Variants in LYN observed in about 807,000 individuals in gnomAD.
LYN encodes the protein tyrosine-protein kinase Lyn.
In LYN, 12 loss-of-function variants were observed where a neutral mutation model predicts 65.0. The ratio of observed to expected loss-of-function variants is 0.18; its 90% CI spans 0.12 to 0.30. The LOEUF (loss-of-function observed/expected upper bound fraction) is 0.30, where lower values mean the gene tolerates loss of function less well. Ranked by LOEUF, LYN falls within the 10% of genes least tolerant of loss-of-function variation. The pLI is 1.00. For missense variants in LYN, 380 were observed against 623.2 expected, an observed-to-expected ratio of 0.61 and a Z score of 4.16; for synonymous variants, 222 against 221.2, an observed-to-expected ratio of 1.00 and a Z score of -0.03.
chr8:55,937,354 T>C lies in LYN; in HGVS notation c.-5-4501T>C, dbSNP rs1806464348. ...CGCAATTACTTTTGCAACAGCCTAATTTAAATATGTATATATAATTTTTTC... is the reference window on the plus strand; with the variant it reads ...CGCAATTACTTTTGCAACAGCCTAACTTAAATATGTATATATAATTTTTTC... On this transcript the variant is annotated intron_variant, in intron 1 of 12. Coordinates refer to ENST00000519728, the MANE Select transcript of LYN (RefSeq NM_002350.4). Among the ~76,000 whole-genome samples the C allele has an allele frequency of 2.0e-5, 3 of 152,232 alleles. No homozygotes were observed. In the South Asian group the frequency reaches 6.2e-4, roughly 31 times the overall value.
At chr8:55,924,235 A>G (rs1806028772) in intron 1 of LYN, among the ~76,000 whole-genome samples, 1 of 152,084 alleles carries the variant, frequency 6.6e-6, no homozygotes, top group East Asian at 1.9e-4. Context: ...GAAATATCCC[A>G]GGGCACCTCT....
intron 9 of LYN, 43 bp from the exon 10 acceptor site, chr8:55,969,674 T>C (rs1409713117): frequency 7.0e-7 from 1 of 1,421,428 alleles, no homozygotes; most frequent in East Asian, 2.3e-5. Context: ...GATTTTTTCT[T>C]GTGTGTTTGG....
intron 7 of LYN, among the ~76,000 whole-genome samples, chr8:55,952,657 C>T (rs1402760781): frequency 6.6e-6 from 1 of 152,160 alleles, no homozygotes; most frequent in Non-Finnish European, 1.5e-5. Flanking sequence ...GTCCTTCCCA[C>T]CTAGTACATG....
intron 10 of LYN, among the ~76,000 whole-genome samples, chr8:55,970,145 C>T (rs187457370): frequency 4.6e-5 from 7 of 152,262 alleles, no homozygotes; most frequent in Non-Finnish European, 7.4e-5. Context: ...TTAAATGATG[C>T]GTATGTTTTA....
At chr8:55,887,559 T>TAAATAA (rs58233309) in intron 1 of LYN, among the ~76,000 whole-genome samples, 41,305 of 102,760 alleles carry the variant, frequency 0.4, 8,737 homozygotes, top group East Asian at 0.5. Flanking sequence ...AAAATATAAA[T>TAAATAA]ATATATATAT....
At position 56,012,572 on chromosome 8, in the gene LYN, A is replaced by G. The variant is rs148059167; in HGVS notation, c.*2462A>G. On this transcript the variant is annotated 3_prime_UTR_variant, in exon 13 of 13. Coordinates refer to ENST00000519728, the MANE Select transcript of LYN (RefSeq NM_002350.4). ...GTCTCTACAAAAAATTTTAAAAATT[A>G]GCTAAGTGTGGTGGCACATACCTAT... The G allele has an allele frequency of 8.4e-5, 13 of 153,900 alleles. No homozygotes were observed. In the East Asian group the frequency reaches 2.2e-3, roughly 26 times the overall value. The allele number at this position is 153,900 out of a possible 1,614,324, so 9.5% of individuals were successfully genotyped here.
At chr8:55,908,374 A>G (rs917621059) in intron 1 of LYN, among the ~76,000 whole-genome samples, 2 of 151,598 alleles carry the variant, frequency 1.3e-5, no homozygotes, top group African/African-American at 2.4e-5. Context: ...CCTCCCAAGT[A>G]GCTGGGATTA....
At chr8:55,941,709 G>C in intron 1 of LYN, 146 bp from the exon 2 acceptor site, 2 of 556,110 alleles carry the variant, frequency 3.6e-6, no homozygotes, top group Non-Finnish European at 3.1e-6. Flanking sequence ...ACCTATTTGG[G>C]AACAGTATTC....
intron 12 of LYN, among the ~76,000 whole-genome samples, chr8:56,004,766 A>G (rs760888367): frequency 2.0e-5 from 3 of 152,128 alleles, no homozygotes; most frequent in South Asian, 2.1e-4. Context: ...AGATAAGGAT[A>G]TGGCCACATA....
At chr8:55,957,147 C>T (rs1452072917) in intron 8 of LYN, among the ~76,000 whole-genome samples, 5 of 152,004 alleles carry the variant, frequency 3.3e-5, no homozygotes, top group Non-Finnish European at 7.4e-5. Flanking sequence ...TTTGACTTCC[C>T]TAGCCTCAGT....
intron 1 of LYN, among the ~76,000 whole-genome samples, chr8:55,902,491 C>T (rs1191953285): frequency 6.6e-6 from 1 of 151,586 alleles, no homozygotes; most frequent in Non-Finnish European, 1.5e-5. Context: ...CAACGCCCAG[C>T]TAATTTTTTT....
Position 55,947,615 on chromosome 8 carries a change from T to C in LYN, c.179-3T>C, listed in dbSNP as rs2130486343. On this transcript the variant is annotated splice_region_variant and splice_polypyrimidine_tract_variant and intron_variant, in intron 3 of 12. Transcript: ENST00000519728. ...ACAGGTGTTCTCTTGTGTTCATCTT[T>C]AGATCCAGAGGAACAAGGAGACATT... The C allele has an allele frequency of 6.3e-7, 1 of 1,596,686 alleles. No homozygotes were observed. Among genetic ancestry groups the C allele is most frequent in the Middle Eastern group, 1.7e-4 (1 of 6,028 alleles).
Position 55,950,454 on chromosome 8 carries a change from T to A in LYN, c.285-5T>A. 1 of 1,601,030 alleles carries A rather than the reference T, an allele frequency of 6.2e-7. No individual in the cohort carries two copies. The highest frequency in any genetic ancestry group is 8.5e-7 in the Non-Finnish European group (1 of 1,172,874). On this transcript the variant is annotated splice_polypyrimidine_tract_variant and splice_region_variant and intron_variant, in intron 4 of 12. Coordinates refer to ENST00000519728, the MANE Select transcript of LYN (RefSeq NM_002350.4). Reference sequence around the variant, plus strand: ...GCTTCTTTTTGATGTGTATTTCTATTCTAGGCATGGAGAATGGTGGAAAGC... The same window carrying A: ...GCTTCTTTTTGATGTGTATTTCTATACTAGGCATGGAGAATGGTGGAAAGC...
chr8:55,938,171 C>T (rs994240965), intron 1 of LYN, among the ~76,000 whole-genome samples: 1 of 152,114 alleles, frequency 6.6e-6, no homozygotes, highest in African/African-American at 2.4e-5. Context: ...AATCTCCAGC[C>T]TCACATTTTC....
intron 1 of LYN, among the ~76,000 whole-genome samples, chr8:55,925,644 GGT>G (rs1285474185): frequency 6.6e-6 from 1 of 152,068 alleles, no homozygotes; most frequent in African/African-American, 2.4e-5. Context: ...CTTTTTCATG[GGT>G]GAGGAAGCAG....
chr8:55,939,222 G>T (rs1337636665), intron 1 of LYN, among the ~76,000 whole-genome samples: 2 of 152,198 alleles, frequency 1.3e-5, no homozygotes, highest in Non-Finnish European at 2.9e-5. Context: ...CTGAATGGGG[G>T]ACCCCAAACA....
chr8:56,008,831 G>A (rs1181671491), intron 12 of LYN, among the ~76,000 whole-genome samples: 4 of 152,152 alleles, frequency 2.6e-5, no homozygotes, highest in Middle Eastern at 3.2e-3. Flanking sequence ...AGTTAACTGC[G>A]TCTGTGAAGT....
intron 8 of LYN, among the ~76,000 whole-genome samples, chr8:55,962,485 G>A (rs151020066): frequency 1.4e-4 from 22 of 151,764 alleles, no homozygotes; most frequent in Middle Eastern, 3.4e-3. Flanking sequence ...AGATGCACTC[G>A]TGCTTCTGGG....
intron 1 of LYN, among the ~76,000 whole-genome samples, chr8:55,896,646 G>A (rs183851347): frequency 2.7e-4 from 41 of 152,026 alleles, no homozygotes; most frequent in Non-Finnish European, 4.9e-4. Flanking sequence ...TTAGAAATTA[G>A]AGTATAATAA....
Sources: gnomAD v4.1 joint callset for allele counts (sites outside exome capture counted in the v4.1 genomes callset) on GRCh38, gnomAD v4.1.1 for gene constraint, MANE v1.5 for transcripts, NCBI Gene and HGNC (gene_info 2026-07-23, HGNC 2026-07-21) for gene names.